GOLGA8A: variants seen among roughly 807,000 people sequenced by gnomAD.
The protein encoded by GOLGA8A is golgin subfamily A member 8A.
Under a neutral mutation model 22.1 loss-of-function variants are expected in GOLGA8A, and 3 were observed. The observed-to-expected ratio is 0.14, with a 90% confidence interval of 0.06 to 0.35. The LOEUF is 0.35. Ranked by LOEUF, GOLGA8A falls within the 10% of genes least tolerant of loss-of-function variation. The pLI is 1.00. For missense variants in GOLGA8A, 16 were observed against 233.2 expected (o/e 0.07, Z 6.07); for synonymous variants, 7 against 91.7 (o/e 0.08, Z 5.28).
At position 34,426,829 on chromosome 15, in the gene GOLGA8A, A is replaced by G. The variant is rs374317378; in HGVS notation, c.-1123+8554T>C. 2.9e-3 allele frequency among the ~76,000 whole-genome samples: 396 copies of G among 134,712 alleles called. 1 individual carries two copies. Among genetic ancestry groups the G allele is most frequent in the Middle Eastern group, 0.012 (3 of 244 alleles). 88.4% of individuals were successfully genotyped at this position (134,712 alleles called of 152,430 possible). A position where few individuals can be genotyped will look rare whatever the true frequency, so the allele number is the denominator to read the frequency against. On this transcript the variant is annotated intron_variant, in intron 2 of 24. Coordinates refer to ENST00000359187, the MANE Select transcript of GOLGA8A (RefSeq NM_181077.5). ...GAGACCGAGGCAGGAGGATTGCCTGAGCCCAGGAGTTCAAGTCCAGCCTAG... is the reference window on the plus strand; with the variant it reads ...GAGACCGAGGCAGGAGGATTGCCTGGGCCCAGGAGTTCAAGTCCAGCCTAG...
At chr15:34,417,542 T>C (rs1003808464) in intron 2 of GOLGA8A, 1 of 141,342 alleles carries the variant, frequency 7.1e-6, no homozygotes, top group Non-Finnish European at 1.5e-5. Flanking sequence ...GTGCCTTCAA[T>C]TCTATGTAGA....
Position 34,436,982 on chromosome 15 carries a change from G to T in GOLGA8A, c.-1212+416C>A, listed in dbSNP as rs749533992. ...AAACTCAGTAGTTGCCGCCCGGCAC[G>T]GGGACTTGATGCCGGCGCCAAGCCG... On this transcript the variant is annotated intron_variant, in intron 1 of 24. Transcript: ENST00000359187. 1.3e-5 allele frequency among the ~76,000 whole-genome samples: 2 copies of T among 149,590 alleles called. 1 individual carries two copies. Among genetic ancestry groups the T allele is most frequent in the Middle Eastern group, 6.9e-3 (2 of 290 alleles).
intron 2 of GOLGA8A, among the ~76,000 whole-genome samples, chr15:34,423,993 C>A (rs1892882660): frequency 6.8e-6 from 1 of 147,626 alleles, no homozygotes; most frequent in African/African-American, 2.5e-5. Flanking sequence ...ACCACCACAG[C>A]CACTGATAGC....
chr15:34,423,849 C>A lies in GOLGA8A; in HGVS notation c.-1123+11534G>T, dbSNP rs1384954235. ...TTGAGAACCAGGGCTGTGCCCTACCCTCTTCTCCCTACCCCCTCATCTGCC... is the reference window on the plus strand; with the variant it reads ...TTGAGAACCAGGGCTGTGCCCTACCATCTTCTCCCTACCCCCTCATCTGCC... On this transcript the variant is annotated intron_variant, in intron 2 of 24. Coordinates refer to ENST00000359187, the MANE Select transcript of GOLGA8A (RefSeq NM_181077.5). Among the ~76,000 whole-genome samples, 3 of 149,408 alleles carry A rather than the reference C, an allele frequency of 2.0e-5. 1 individual carries two copies. Among genetic ancestry groups the A allele is most frequent in the Non-Finnish European group, 4.5e-5 (3 of 67,174 alleles).
chr15:34,381,109 G>C lies in GOLGA8A; in HGVS notation c.*302C>G, dbSNP rs1325478316. 2.1e-5 allele frequency: 10 copies of C among 470,826 alleles called. No homozygotes were observed. The highest frequency in any genetic ancestry group is 3.9e-5 in the Non-Finnish European group (10 of 255,032). 29.2% of individuals were successfully genotyped at this position (470,826 alleles called of 1,614,324 possible). A position where few individuals can be genotyped will look rare whatever the true frequency, so the allele number is the denominator to read the frequency against. ...GAGAACAGTTTTGTGCAAAGAGTGG[G>C]TCTTTGTGTGTTTGAACTCCCACCA... On this transcript the variant is annotated 3_prime_UTR_variant, in exon 25 of 25. Transcript: ENST00000359187.
At chr15:34,416,102 A>G (rs1249973553) in intron 2 of GOLGA8A, 27 of 151,414 alleles carry the variant, frequency 1.8e-4, no homozygotes, top group African/African-American at 6.3e-4. Flanking sequence ...CATTTCTACC[A>G]CATTCTATAG....
In GOLGA8A at chr15:34,379,318, T is replaced by G. The variant is rs1373153714; in HGVS notation, c.*2093A>C. The G allele has an allele frequency of 1.3e-5, 2 of 152,654 alleles. No individual in the cohort carries two copies. Among genetic ancestry groups the G allele is most frequent in the Non-Finnish European group, 2.9e-5 (2 of 68,054 alleles). The allele number at this position is 152,654 out of a possible 1,614,324, so 9.5% of individuals were successfully genotyped here. A position where few individuals can be genotyped will look rare whatever the true frequency, so the allele number is the denominator to read the frequency against. On this transcript the variant is annotated 3_prime_UTR_variant, in exon 25 of 25. Coordinates refer to ENST00000359187, the MANE Select transcript of GOLGA8A (RefSeq NM_181077.5). ...AGGATTTATATTTTAAAATGTTTTA[T>G]TTCAGAACATTAAGATAGCAGTTAC...
In GOLGA8A at chr15:34,437,745, G is replaced by C. The variant is rs956143913; in HGVS notation, c.-1559C>G. Among the ~76,000 whole-genome samples the C allele has an allele frequency of 1.4e-5, 2 of 147,126 alleles. No homozygotes were observed. Among genetic ancestry groups the C allele is most frequent in the African/African-American group, 5.0e-5 (2 of 40,028 alleles). ...CTGCCGGGTCTCTCCCGGGGGCTGAGCTCCCGCAGAGCTCGCGCCTAGCCG... is the reference window on the plus strand; with the variant it reads ...CTGCCGGGTCTCTCCCGGGGGCTGACCTCCCGCAGAGCTCGCGCCTAGCCG... On this transcript the variant is annotated 5_prime_UTR_variant, in exon 1 of 25. Transcript: ENST00000359187.
rs1179779695 is a variant in GOLGA8A, at chr15:34,431,391, G to GTA, written c.-1123+3990_-1123+3991dup. Among the ~76,000 whole-genome samples, 46 of 134,200 alleles carry GTA rather than the reference G, an allele frequency of 3.4e-4. 3 individuals are homozygous for GTA. Among genetic ancestry groups the GTA allele is most frequent in the African/African-American group, 1.2e-3 (41 of 35,094 alleles). 88.0% of individuals were successfully genotyped at this position (134,200 alleles called of 152,430 possible). On this transcript the variant is annotated intron_variant, in intron 2 of 24. Transcript: ENST00000359187. ...GTCACTTAACGACAGGCATATATAT[G>GTA]TATATATATATCACACACACACTCA...
intron 2 of GOLGA8A, among the ~76,000 whole-genome samples, chr15:34,424,946 A>G (rs1226843979): frequency 7.0e-6 from 1 of 142,690 alleles, no homozygotes; most frequent in Non-Finnish European, 1.5e-5. Context: ...CAAAAAACAC[A>G]AAAATTAGCC....
rs896568315 is a variant in GOLGA8A at position 34,434,872 on chromosome 15, C to A, written c.-1123+511G>T. On this transcript the variant is annotated intron_variant, in intron 2 of 24. Coordinates refer to ENST00000359187, the MANE Select transcript of GOLGA8A (RefSeq NM_181077.5). ...GAACTGAGACTGCGTTGAGGACACA[C>A]AGCCTGTGAGTGGTACAGCCAGGGC... Among the ~76,000 whole-genome samples, 3 of 149,736 alleles carry A rather than the reference C, an allele frequency of 2.0e-5. 1 individual carries two copies. The highest frequency in any genetic ancestry group is 1.3e-4 in the Admixed American group (2 of 14,898).
rs1364504397 is a variant in GOLGA8A, at chr15:34,381,002, T to C, written c.*409A>G. ...GAGATCAAACATCATAGCAGAACAT[T>C]AGCAAATTTTATCTGAATTCTGTAA... On this transcript the variant is annotated 3_prime_UTR_variant, in exon 25 of 25. Transcript: ENST00000359187. The C allele has an allele frequency of 5.8e-6, 2 of 345,190 alleles. No homozygotes were observed. Among genetic ancestry groups the C allele is most frequent in the South Asian group, 2.4e-5 (1 of 42,074 alleles). 21.4% of individuals were successfully genotyped at this position (345,190 alleles called of 1,614,324 possible). A position where few individuals can be genotyped will look rare whatever the true frequency, so the allele number is the denominator to read the frequency against.
chr15:34,379,786 C>A lies in GOLGA8A; in HGVS notation c.*1625G>T, dbSNP rs1891387247. The A allele has an allele frequency of 6.5e-6, 1 of 152,724 alleles. No individual in the cohort carries two copies. The highest frequency in any genetic ancestry group is 1.5e-5 in the Non-Finnish European group (1 of 68,028). 9.5% of individuals were successfully genotyped at this position (152,724 alleles called of 1,614,324 possible). A position where few individuals can be genotyped will look rare whatever the true frequency, so the allele number is the denominator to read the frequency against. On this transcript the variant is annotated 3_prime_UTR_variant, in exon 25 of 25. Transcript: ENST00000359187. Reference sequence around the variant, plus strand: ...CTTCATGAAGTTTTAACTGTTGATTCTTTCCCAAGCATCATCAAGTTATGA... The same window carrying A: ...CTTCATGAAGTTTTAACTGTTGATTATTTCCCAAGCATCATCAAGTTATGA...
chr15:34,427,708 G>T (rs1318917715), intron 2 of GOLGA8A, among the ~76,000 whole-genome samples: 1 of 148,484 alleles, frequency 6.7e-6, no homozygotes, highest in Admixed American at 6.8e-5. Flanking sequence ...AGGAACTGGG[G>T]GAGGGCTTGG....
Position 34,431,822 on chromosome 15 carries a change from A to C in GOLGA8A, c.-1123+3561T>G, listed in dbSNP as rs1893267183. Among the ~76,000 whole-genome samples, 4 of 148,838 alleles carry C rather than the reference A, an allele frequency of 2.7e-5. No individual in the cohort carries two copies. In the South Asian group the frequency reaches 8.7e-4, roughly 32 times the overall value. On this transcript the variant is annotated intron_variant, in intron 2 of 24. Transcript: ENST00000359187. ...TTTATATATTTTTTTAAAATAAAGT[A>C]ACTGCACTACAACTTTACCACAATG...
chr15:34,432,327 G>A (rs1008159911), intron 2 of GOLGA8A, among the ~76,000 whole-genome samples: 2 of 148,454 alleles, frequency 1.3e-5, no homozygotes, highest in Non-Finnish European at 3.0e-5. Flanking sequence ...TCCTAGTCAT[G>A]CCCACCCTGT....
At chr15:34,386,263 G>A (rs1173605866) in intron 12 of GOLGA8A, among the ~76,000 whole-genome samples, 1 of 140,496 alleles carries the variant, frequency 7.1e-6, no homozygotes, top group Non-Finnish European at 1.5e-5. Flanking sequence ...CTGGAAACAC[G>A]AGCCCAAAAA....
intron 2 of GOLGA8A, among the ~76,000 whole-genome samples, chr15:34,429,530 C>T (rs1167672065): frequency 1.3e-5 from 2 of 148,572 alleles, no homozygotes; most frequent in African/African-American, 2.5e-5. Flanking sequence ...CCCAACCTAC[C>T]GTGGGGCTCT....
intron 2 of GOLGA8A, among the ~76,000 whole-genome samples, chr15:34,434,186 C>A (rs1316283941): frequency 1.3e-5 from 2 of 149,422 alleles, no homozygotes; most frequent in Non-Finnish European, 3.0e-5. Context: ...AGGGGCCATT[C>A]TTGGGAGCGA....
Sources: allele counts gnomAD v4.1 joint callset (sites outside exome capture counted in the v4.1 genomes callset), GRCh38; gene constraint gnomAD v4.1.1; transcripts MANE v1.5; gene names NCBI Gene and HGNC (gene_info 2026-07-23, HGNC 2026-07-21).